The following GPSM2 variants were observed in gnomAD, a reference collection of about 807,000 sequenced individuals.
GPSM2 encodes the protein G protein signaling modulator 2, also known as G protein-signaling modulator 2.
A neutral mutation model predicts 78.4 loss-of-function variants in GPSM2; 58 were observed. That is an observed-to-expected ratio of 0.74 (90% confidence interval 0.60 to 0.92). The LOEUF is 0.92. Among genes scored for constraint, GPSM2 ranks in the 40% least tolerant of loss-of-function variants. The pLI is 0.00. For synonymous variants in GPSM2, 224 were observed against 280.2 expected (o/e 0.80, Z 2.00); for missense variants, 700 against 815.5 (o/e 0.86, Z 1.73).
At chr1:108,889,559 T>C (rs909516875) in intron 2 of GPSM2, among the ~76,000 whole-genome samples, 2 of 152,240 alleles carry the variant, frequency 1.3e-5, no homozygotes, top group African/African-American at 4.8e-5. Flanking sequence ...TTAAGAATGT[T>C]AACACAGTTC....
At position 108,897,507 on chromosome 1, in the gene GPSM2, G is replaced by C; in HGVS notation, c.294G>C (p.Gln98His). ...TTTTTTTCAGGACTATTGGAGACCA[G>C]CTGGGGGAAGCGAAAGCTAGTGGTA... is the stretch of plus-strand genomic sequence containing the variant. ...DLTLARTIGDQLGEAKASGNL... is the reference protein window; with the variant it reads ...DLTLARTIGDHLGEAKASGNL... Residue 98 changes from glutamine (Q) to histidine (H), a missense_variant, in exon 4 of 15, where the codon CAG (glutamine) becomes CAC (histidine). Physicochemically the swap from Gln to His is conservative, Grantham distance 24. Transcript: ENST00000264126. 6.2e-7 allele frequency: 1 copy of C among 1,613,120 alleles called. No individual in the cohort carries two copies. The highest frequency in any genetic ancestry group is 8.5e-7 in the Non-Finnish European group (1 of 1,179,636).
At chr1:108,905,805 A>G (rs1649174647) in intron 10 of GPSM2, among the ~76,000 whole-genome samples, 1 of 152,226 alleles carries the variant, frequency 6.6e-6, no homozygotes, top group South Asian at 2.1e-4. Context: ...CATCCAATGT[A>G]AAAGCCACTA....
In GPSM2 at chr1:108,898,633, A is replaced by T. The variant is rs758721774; in HGVS notation, c.558-9A>T. The T allele has an allele frequency of 6.2e-7, 1 of 1,613,272 alleles. No individual in the cohort carries two copies. Among genetic ancestry groups the T allele is most frequent in the Non-Finnish European group, 8.5e-7 (1 of 1,179,464 alleles). On this transcript the variant is annotated splice_polypyrimidine_tract_variant and intron_variant, in intron 5 of 14. Coordinates refer to ENST00000264126, the MANE Select transcript of GPSM2 (RefSeq NM_013296.5). ...ACTTATTTTTTCATCACTTTTTGCGATCCCTTAGGGAAAACCTATCATTAG... is the reference window on the plus strand; with the variant it reads ...ACTTATTTTTTCATCACTTTTTGCGTTCCCTTAGGGAAAACCTATCATTAG...
chr1:108,911,414 C>A (rs983772931), intron 10 of GPSM2, among the ~76,000 whole-genome samples: 40 of 152,056 alleles, frequency 2.6e-4, no homozygotes, highest in Non-Finnish European at 5.9e-5. Context: ...GTAATCCCAT[C>A]TACTCAGGAG....
At chr1:108,907,508 A>C (rs1183240043) in intron 10 of GPSM2, among the ~76,000 whole-genome samples, 1 of 152,222 alleles carries the variant, frequency 6.6e-6, no homozygotes, top group Non-Finnish European at 1.5e-5. Context: ...GAAAAAAATA[A>C]CAAAATTAGG....
chr1:108,909,645 C>T (rs763591931), intron 10 of GPSM2: 1 of 152,086 alleles, frequency 6.6e-6, no homozygotes, highest in Admixed American at 6.5e-5. Context: ...TGGCTCACGC[C>T]TGTAATCCTA....
At position 108,934,494 on chromosome 1, in the gene GPSM2, A is replaced by AAAAG. The variant is rs1652554735; in HGVS notation, c.*4554_*4555insAAAG. 1.2e-5 allele frequency: 8 copies of AAAAG among 659,814 alleles called. No homozygotes were observed. Among genetic ancestry groups the AAAAG allele is most frequent in the Non-Finnish European group, 2.0e-5 (8 of 400,824 alleles). The allele number at this position is 659,814 out of a possible 1,614,324, so 40.9% of individuals were successfully genotyped here. A position where few individuals can be genotyped will look rare whatever the true frequency, so the allele number is the denominator to read the frequency against. ...GAAATGAAAAGCTTTTACATATATA[A>AAAAG]CGTGTTTGTTAATTCTAATTGTCAG... On this transcript the variant is annotated 3_prime_UTR_variant, in exon 15 of 15. Transcript: ENST00000264126.
At chr1:108,929,320 T>C (rs1023006172) in intron 14 of GPSM2, among the ~76,000 whole-genome samples, 2 of 152,214 alleles carry the variant, frequency 1.3e-5, no homozygotes, top group African/African-American at 2.4e-5. Flanking sequence ...AAAGATTTGT[T>C]AAGTTACACA....
At position 108,930,838 on chromosome 1, in the gene GPSM2, C is replaced by T. The variant is rs1344822395; in HGVS notation, c.*898C>T. On this transcript the variant is annotated 3_prime_UTR_variant, in exon 15 of 15. Coordinates refer to ENST00000264126, the MANE Select transcript of GPSM2 (RefSeq NM_013296.5). ...CCTGGGAGGCAGAGATTGCAGTGAG[C>T]TGAGACCAAGCCACTGGACTCCAGC... is the stretch of plus-strand genomic sequence containing the variant. 2 of 152,562 alleles carry T rather than the reference C, an allele frequency of 1.3e-5. No individual in the cohort carries two copies. Among genetic ancestry groups the T allele is most frequent in the Non-Finnish European group, 2.9e-5 (2 of 68,742 alleles). The allele number at this position is 152,562 out of a possible 1,614,324, so 9.5% of individuals were successfully genotyped here.
chr1:108,915,618 G>C (rs1337661658), intron 11 of GPSM2, among the ~76,000 whole-genome samples: 1 of 151,270 alleles, frequency 6.6e-6, no homozygotes, highest in Non-Finnish European at 1.5e-5. Flanking sequence ...GTAAAGACAG[G>C]GTTTCACCGT....
intron 1 of GPSM2, among the ~76,000 whole-genome samples, chr1:108,882,192 C>G (rs1184735069): frequency 6.6e-6 from 1 of 152,148 alleles, no homozygotes; most frequent in Non-Finnish European, 1.5e-5. Flanking sequence ...CTCAAGTGAT[C>G]CTTCCACCTT....
At chr1:108,897,442 G>T in intron 3 of GPSM2, 50 bp from the exon 4 acceptor site, 1 of 1,525,904 alleles carries the variant, frequency 6.6e-7, no homozygotes. Context: ...AACACCATTT[G>T]TATTTTAATA....
At position 108,924,107 on chromosome 1, in the gene GPSM2, C is replaced by T. The variant is rs971241554; in HGVS notation, c.1708C>T (p.Pro570Ser). 4.3e-6 allele frequency: 7 copies of T among 1,613,202 alleles called. No individual in the cohort carries two copies. The highest frequency in any genetic ancestry group is 1.1e-5 in the South Asian group (1 of 91,066). ...DDQRASFSNL[P>S]GLRLTQNSQS... ...CCAGAGGGCTAGTTTCAGTAATTTG[C>T]CAGGGCTTCGTCTAACACAAAACAG... Residue 570 changes from proline (P) to serine (S), a missense_variant, in exon 14 of 15, where the codon CCA becomes TCA. Pro to Ser is a moderately conservative substitution (Grantham distance 74, BLOSUM62 -1). Coordinates refer to ENST00000264126, the MANE Select transcript of GPSM2 (RefSeq NM_013296.5).
chr1:108,896,343 A>G (rs896966103), intron 2 of GPSM2, among the ~76,000 whole-genome samples: 17 of 152,098 alleles, frequency 1.1e-4, no homozygotes, highest in African/African-American at 3.9e-4. Flanking sequence ...TGGTGGTAAG[A>G]AGAGGAAGGA....
At chr1:108,900,809 G>A (rs1648749039) in intron 7 of GPSM2, among the ~76,000 whole-genome samples, 1 of 152,162 alleles carries the variant, frequency 6.6e-6, no homozygotes, top group Admixed American at 6.5e-5. Flanking sequence ...CAAGGTGACA[G>A]ATTTGAAGGT....
chr1:108,877,738 C>G (rs1015883876), intron 1 of GPSM2: 1 of 151,828 alleles, frequency 6.6e-6, no homozygotes, highest in Non-Finnish European at 1.5e-5. Context: ...ACCAACTGGT[C>G]GATTTACCAT....
chr1:108,929,614 GT>G, intron 14 of GPSM2, 86 bp from the exon 15 acceptor site: 1 of 1,246,012 alleles, frequency 8.0e-7, no homozygotes, highest in Non-Finnish European at 1.2e-6. Context: ...TTACAACTGC[GT>G]TTTCTTGTTG....
At chr1:108,928,816 C>T (rs1651389513) in intron 14 of GPSM2, among the ~76,000 whole-genome samples, 1 of 151,904 alleles carries the variant, frequency 6.6e-6, no homozygotes, top group African/African-American at 2.4e-5. Context: ...TGGTGAAACC[C>T]CCATCTCTAC....
At chr1:108,914,152 T>C (rs1649991543) in intron 10 of GPSM2, among the ~76,000 whole-genome samples, 186 bp from the exon 11 acceptor site, 1 of 152,218 alleles carries the variant, frequency 6.6e-6, no homozygotes, top group Admixed American at 6.5e-5. Flanking sequence ...TAGAGGGGAA[T>C]GTATATTCTA....
Sources: gnomAD v4.1 joint callset for allele counts (sites outside exome capture counted in the v4.1 genomes callset) on GRCh38, gnomAD v4.1.1 for gene constraint, MANE v1.5 for transcripts, NCBI Gene and HGNC (gene_info 2026-07-23, HGNC 2026-07-21) for gene names.